Variants in MYRIP observed in about 807,000 individuals in gnomAD.
The protein encoded by MYRIP is myosin VIIA and Rab interacting protein.
In MYRIP, 49 loss-of-function variants were observed where a neutral mutation model predicts 98.0. The observed-to-expected ratio is 0.50, with a 90% CI of 0.40 to 0.63. The LOEUF is 0.63. MYRIP is among the 30% of genes least tolerant of loss of function. The pLI is 0.00. For synonymous variants in MYRIP, 404 were observed against 409.5 expected (o/e 0.99, Z 0.16); for missense variants, 1,004 against 1,058.2 (o/e 0.95, Z 0.71).
chr3:39,990,154 CCATGG>C (rs1209403400), intron 2 of MYRIP, among the ~76,000 whole-genome samples: 7 of 152,242 alleles, frequency 4.6e-5, no homozygotes, highest in Non-Finnish European at 7.3e-5. Flanking sequence ...ATCTTCCAAA[CCATGG>C]GTTGCACAGT....
At chr3:40,164,458 A>T (rs1950462865) in intron 5 of MYRIP, among the ~76,000 whole-genome samples, 1 of 152,186 alleles carries the variant, frequency 6.6e-6, no homozygotes, top group African/African-American at 2.4e-5. Context: ...AGGAAACTTC[A>T]GTTTTTGCTC....
chr3:39,985,091 ATTTG>A (rs1015541738), intron 2 of MYRIP, among the ~76,000 whole-genome samples: 3 of 151,902 alleles, frequency 2.0e-5, no homozygotes, highest in African/African-American at 7.3e-5. Context: ...TTTCTTGTAA[ATTTG>A]TTTGAGTTCA....
intron 1 of MYRIP, among the ~76,000 whole-genome samples, chr3:39,811,085 G>T (rs1168370729): frequency 6.6e-6 from 1 of 152,176 alleles, no homozygotes; most frequent in Non-Finnish European, 1.5e-5. Context: ...GGTGGCTCCA[G>T]TGGGGCCGCC....
intron 10 of MYRIP, among the ~76,000 whole-genome samples, chr3:40,203,471 A>G (rs1353308961): frequency 6.6e-6 from 1 of 151,668 alleles, no homozygotes; most frequent in East Asian, 1.9e-4. Flanking sequence ...CCTCTTTTTT[A>G]GGTGATCAAT....
At chr3:40,117,537 C>T (rs985139458) in intron 3 of MYRIP, among the ~76,000 whole-genome samples, 1 of 152,170 alleles carries the variant, frequency 6.6e-6, no homozygotes, top group African/African-American at 2.4e-5. Context: ...CCAGTGTCCT[C>T]ACTTACCTTG....
chr3:40,180,638 A>G (rs1950863157), intron 8 of MYRIP, among the ~76,000 whole-genome samples: 1 of 152,164 alleles, frequency 6.6e-6, no homozygotes, highest in Non-Finnish European at 1.5e-5. Context: ...GGTTGCGTTA[A>G]CCTATGACCA....
At chr3:40,161,981 C>T (rs1333569102) in intron 4 of MYRIP, among the ~76,000 whole-genome samples, 1 of 152,150 alleles carries the variant, frequency 6.6e-6, no homozygotes, top group African/African-American at 2.4e-5. Context: ...TTCCTCTCTG[C>T]AGCCCTGCCA....
intron 2 of MYRIP, among the ~76,000 whole-genome samples, chr3:39,910,685 T>C (rs541195562): frequency 6.6e-6 from 1 of 152,378 alleles, no homozygotes; most frequent in African/African-American, 2.4e-5. Flanking sequence ...ATCTTAAATA[T>C]ATTTTTAAAG....
At chr3:40,129,588 C>G (rs954615278) in intron 3 of MYRIP, among the ~76,000 whole-genome samples, 1 of 151,124 alleles carries the variant, frequency 6.6e-6, no homozygotes, top group Non-Finnish European at 1.5e-5. Flanking sequence ...TGAGATTACA[C>G]TTTTCTATCT....
intron 1 of MYRIP, among the ~76,000 whole-genome samples, chr3:39,897,432 A>G (rs1312802401): frequency 2.0e-5 from 3 of 152,240 alleles, no homozygotes; most frequent in Non-Finnish European, 4.4e-5. Flanking sequence ...AAATATTGAC[A>G]TACTAATTTT....
intron 1 of MYRIP, among the ~76,000 whole-genome samples, chr3:39,848,870 A>G (rs1302215417): frequency 6.6e-6 from 1 of 152,246 alleles, no homozygotes; most frequent in Non-Finnish European, 1.5e-5. Flanking sequence ...GTGAGTTTTA[A>G]TAATTTATAT....
intron 3 of MYRIP, among the ~76,000 whole-genome samples, chr3:40,116,440 C>T: frequency 6.6e-6 from 1 of 152,138 alleles, no homozygotes; most frequent in East Asian, 1.9e-4. Flanking sequence ...AAGTAACTCC[C>T]TGCCATCCTA....
rs951883781 is a variant in MYRIP, at chr3:39,885,059, A to T, written c.-30-15728A>T. 9.2e-5 allele frequency among the ~76,000 whole-genome samples: 14 copies of T among 151,908 alleles called. No individual in the cohort carries two copies. The East Asian group carries it at 1.7e-3, about 19-fold the overall frequency. ...CTCATAGACTTACCAGCATGATATG[A>T]TACAAGCTTTTCAATCTTTTCAAAG... is the stretch of plus-strand genomic sequence containing the variant. On this transcript the variant is annotated intron_variant, in intron 1 of 16. Coordinates refer to ENST00000302541, the MANE Select transcript of MYRIP (RefSeq NM_015460.4).
intron 2 of MYRIP, among the ~76,000 whole-genome samples, chr3:39,971,153 A>C (rs764323202): frequency 6.6e-6 from 1 of 152,084 alleles, no homozygotes; most frequent in Non-Finnish European, 1.5e-5. Flanking sequence ...CTAGTTAGTA[A>C]AGCTTGTTAA....
Position 40,216,178 on chromosome 3 carries a change from C to T in MYRIP, c.1905+6085C>T, listed in dbSNP as rs149363669. 6.8e-4 allele frequency among the ~76,000 whole-genome samples: 104 copies of T among 152,272 alleles called. 1 individual carries two copies. The highest frequency in any genetic ancestry group is 1.3e-3 in the Non-Finnish European group (89 of 68,028). On this transcript the variant is annotated intron_variant, in intron 11 of 16. Coordinates refer to ENST00000302541, the MANE Select transcript of MYRIP (RefSeq NM_015460.4). The stretch of plus-strand genomic sequence containing the variant: ...AAAATGCAGGCATTACCTGGAAGGC[C>T]AGGATAAGGATATCACCCCAGCCAC...
intron 10 of MYRIP, among the ~76,000 whole-genome samples, chr3:40,203,614 A>C (rs9828048): frequency 0.83 from 117,892 of 142,316 alleles, 49,976 homozygotes; most frequent in Non-Finnish European, 0.91. Context: ...TAAAGATATG[A>C]CTTTCTGTTT....
At chr3:39,842,486 G>A (rs899930776) in intron 1 of MYRIP, among the ~76,000 whole-genome samples, 43 of 152,132 alleles carry the variant, frequency 2.8e-4, no homozygotes, top group African/African-American at 7.0e-4. Context: ...TCTTGCTGCC[G>A]TTTCAGGTGC....
At chr3:39,945,505 AAAAG>A (rs1376794488) in intron 2 of MYRIP, among the ~76,000 whole-genome samples, 2 of 150,868 alleles carry the variant, frequency 1.3e-5, no homozygotes, top group Non-Finnish European at 3.0e-5. Flanking sequence ...AAAAGAAAAA[AAAAG>A]AATGTATCTT....
intron 3 of MYRIP, among the ~76,000 whole-genome samples, chr3:40,065,989 A>G (rs1234735650): frequency 6.6e-6 from 1 of 152,142 alleles, no homozygotes; most frequent in Non-Finnish European, 1.5e-5. Flanking sequence ...AGCTGTACTG[A>G]TAGCTCAGAT....
Sources: gnomAD v4.1 joint callset for allele counts (sites outside exome capture counted in the v4.1 genomes callset) on GRCh38, gnomAD v4.1.1 for gene constraint, MANE v1.5 for transcripts, NCBI Gene and HGNC (gene_info 2026-07-23, HGNC 2026-07-21) for gene names.